The following MCU variants were observed in gnomAD, a reference collection of about 807,000 sequenced individuals.
MCU encodes the protein mitochondrial calcium uniporter.
A neutral mutation model predicts 45.2 loss-of-function variants in MCU; 12 were observed. The observed-to-expected ratio is 0.27, with a 90% confidence interval of 0.17 to 0.43. The LOEUF is 0.43. MCU is among the 20% of genes least tolerant of loss of function. The probability of loss-of-function intolerance (pLI) is 1.00; values close to 1 mark genes in which losing one functional copy is unlikely to be tolerated. For synonymous variants in MCU, 160 were observed against 165.1 expected, an observed-to-expected ratio of 0.97 and a Z score of 0.24; for missense variants, 324 against 436.7, an observed-to-expected ratio of 0.74 and a Z score of 2.30.
chr10:72,826,852 C>G (rs555222552), intron 1 of MCU, among the ~76,000 whole-genome samples: 10 of 152,274 alleles, frequency 6.6e-5, no homozygotes, highest in Non-Finnish European at 1.0e-4. Flanking sequence ...ATCCTACACT[C>G]TCCCACTCTG....
intron 1 of MCU, among the ~76,000 whole-genome samples, chr10:72,794,385 C>A (rs1844213562): frequency 6.6e-6 from 1 of 152,146 alleles, no homozygotes; most frequent in African/African-American, 2.4e-5. Context: ...GTGCTATTTC[C>A]TTGATTGGGG....
rs77834595 is a variant in MCU at position 72,727,307 on chromosome 10, A to G, written c.150+35006A>G. Among the ~76,000 whole-genome samples the G allele has an allele frequency of 2.6e-3, 395 of 152,348 alleles. 2 individuals carry two copies. Among genetic ancestry groups the G allele is most frequent in the East Asian group, 0.015 (80 of 5,188 alleles). ...GATTAGTGTTCTTGAAACATCATCA[A>G]ATGGAACATTCCCCAAGCCTGGCAT... On this transcript the variant is annotated intron_variant, in intron 1 of 7. Transcript: ENST00000373053.
At chr10:72,777,949 G>C (rs946235839) in intron 1 of MCU, among the ~76,000 whole-genome samples, 1 of 152,158 alleles carries the variant, frequency 6.6e-6, no homozygotes, top group Non-Finnish European at 1.5e-5. Flanking sequence ...ATCACTAATA[G>C]AGAAATGCAA....
intron 1 of MCU, among the ~76,000 whole-genome samples, chr10:72,800,729 GT>G (rs1844326088): frequency 6.6e-6 from 1 of 152,170 alleles, no homozygotes; most frequent in Non-Finnish European, 1.5e-5. Context: ...ATTCATTTGT[GT>G]TTGGATGATC....
chr10:72,837,904 T>A (rs1844978427), intron 2 of MCU, among the ~76,000 whole-genome samples: 1 of 150,386 alleles, frequency 6.6e-6, no homozygotes, highest in South Asian at 2.1e-4. Flanking sequence ...GTCGCCAGGC[T>A]GGAGTGCAGT....
At chr10:72,775,941 G>A (rs1843885936) in intron 1 of MCU, among the ~76,000 whole-genome samples, 1 of 152,236 alleles carries the variant, frequency 6.6e-6, no homozygotes, top group African/African-American at 2.4e-5. Flanking sequence ...GAGGTGGGAG[G>A]ATCCCCTGAG....
chr10:72,755,902 G>A (rs1202703272), intron 1 of MCU, among the ~76,000 whole-genome samples: 1 of 151,102 alleles, frequency 6.6e-6, no homozygotes, highest in Admixed American at 6.6e-5. Flanking sequence ...AGAGTGCAGT[G>A]ATATGATCAT....
At chr10:72,753,950 A>G (rs1302041371) in intron 1 of MCU, among the ~76,000 whole-genome samples, 1 of 152,188 alleles carries the variant, frequency 6.6e-6, no homozygotes, top group Admixed American at 6.6e-5. Flanking sequence ...GTTTTCAGCC[A>G]TATTTCCCAG....
chr10:72,858,379 A>C (rs1845325617), intron 2 of MCU, among the ~76,000 whole-genome samples: 1 of 152,130 alleles, frequency 6.6e-6, no homozygotes, highest in East Asian at 1.9e-4. Context: ...CTCACTGCGC[A>C]TTCTCTGTAG....
chr10:72,719,289 T>C (rs1278946800), intron 1 of MCU, among the ~76,000 whole-genome samples: 2 of 152,228 alleles, frequency 1.3e-5, no homozygotes, highest in Non-Finnish European at 2.9e-5. Context: ...ATTATGTTAC[T>C]GGAGCTGTTA....
At chr10:72,731,989 A>G (rs1843181152) in intron 1 of MCU, among the ~76,000 whole-genome samples, 3 of 152,192 alleles carry the variant, frequency 2.0e-5, no homozygotes, top group Non-Finnish European at 4.4e-5. Flanking sequence ...ACATAGGGTA[A>G]TCCTATGGTT....
intron 4 of MCU, 72 bp downstream of exon 4, chr10:72,860,599 T>G: frequency 1.7e-6 from 2 of 1,180,158 alleles, no homozygotes; most frequent in Non-Finnish European, 2.5e-6. Flanking sequence ...TTTTTTTTCC[T>G]TGGGTAACCT....
intron 7 of MCU, 39 bp downstream of exon 7, chr10:72,884,421 C>T: frequency 8.8e-7 from 1 of 1,132,574 alleles, no homozygotes; most frequent in South Asian, 1.2e-5. Context: ...CCAGCCCTAT[C>T]TTGCATGGTT....
At chr10:72,774,650 A>T (rs1843863093) in intron 1 of MCU, among the ~76,000 whole-genome samples, 1 of 152,146 alleles carries the variant, frequency 6.6e-6, no homozygotes, top group Admixed American at 6.5e-5. Context: ...GCCTTCAAGA[A>T]ACCCACCTCA....
chr10:72,789,014 A>G (rs985830557), intron 1 of MCU, among the ~76,000 whole-genome samples: 5 of 152,198 alleles, frequency 3.3e-5, no homozygotes, highest in Admixed American at 1.3e-4. Flanking sequence ...AGTGAAAAAG[A>G]TAAGACTATA....
intron 1 of MCU, among the ~76,000 whole-genome samples, chr10:72,777,213 A>T (rs1235923749): frequency 2.0e-5 from 3 of 152,234 alleles, no homozygotes; most frequent in Non-Finnish European, 4.4e-5. Context: ...TCTAAAATTC[A>T]TATGGAATTA....
At chr10:72,729,952 C>CTTTTTTT (rs58668483) in intron 1 of MCU, among the ~76,000 whole-genome samples, 1 of 90,554 alleles carries the variant, frequency 1.1e-5, no homozygotes, top group East Asian at 2.9e-4. Flanking sequence ...CTTCAGCATT[C>CTTTTTTT]TTTTTTTTTT....
intron 1 of MCU, among the ~76,000 whole-genome samples, chr10:72,787,774 A>C (rs1419600675): frequency 1.3e-5 from 2 of 150,968 alleles, no homozygotes; most frequent in African/African-American, 4.9e-5. Context: ...GCTGGAGTGC[A>C]GTGGTGTGAT....
chr10:72,709,143 T>C (rs761720691), intron 1 of MCU, among the ~76,000 whole-genome samples: 19 of 152,294 alleles, frequency 1.2e-4, no homozygotes, highest in South Asian at 4.1e-4. Context: ...GTAGATTCTT[T>C]CTGTATATAT....
Sources: gnomAD v4.1 joint callset for allele counts (sites outside exome capture counted in the v4.1 genomes callset) on GRCh38, gnomAD v4.1.1 for gene constraint, MANE v1.5 for transcripts, NCBI Gene and HGNC (gene_info 2026-07-23, HGNC 2026-07-21) for gene names.